KCNQ3: variants seen among roughly 807,000 people sequenced by gnomAD.
The protein encoded by KCNQ3 is potassium voltage-gated channel subfamily Q member 3, also known as potassium voltage-gated channel subfamily KQT member 3.
KCNQ3 carries 30 observed loss-of-function variants against 92.5 expected under a neutral mutation model. That is an observed-to-expected ratio of 0.32 (90% CI 0.24 to 0.44). The LOEUF is 0.44. KCNQ3 is among the 20% of genes least tolerant of loss of function. The pLI is 1.00. For synonymous variants in KCNQ3, 450 were observed against 468.8 expected, an observed-to-expected ratio of 0.96 and a Z score of 0.52; for missense variants, 913 against 1,140.3, an observed-to-expected ratio of 0.80 and a Z score of 2.87.
intron 1 of KCNQ3, among the ~76,000 whole-genome samples, chr8:132,334,746 T>C (rs550175355): frequency 3.3e-4 from 51 of 152,296 alleles, no homozygotes; most frequent in African/African-American, 1.2e-3. Context: ...GCGTTTCTTG[T>C]AGGGAAGTTT....
intron 1 of KCNQ3, among the ~76,000 whole-genome samples, chr8:132,357,265 T>C (rs1340049818): frequency 6.6e-6 from 1 of 152,172 alleles, no homozygotes; most frequent in Non-Finnish European, 1.5e-5. Flanking sequence ...GTGGTTCCTT[T>C]GGAAGGTAAT....
chr8:132,397,221 T>C (rs771876136), intron 1 of KCNQ3, among the ~76,000 whole-genome samples: 4 of 152,144 alleles, frequency 2.6e-5, no homozygotes, highest in Non-Finnish European at 5.9e-5. Context: ...TCAGGCCCTC[T>C]GTGCCCAGAG....
intron 1 of KCNQ3, among the ~76,000 whole-genome samples, chr8:132,308,499 G>A (rs111727025): frequency 6.6e-5 from 10 of 152,232 alleles, no homozygotes; most frequent in African/African-American, 2.4e-4. Flanking sequence ...CATATCAGTG[G>A]GAAGTACAAC....
intron 1 of KCNQ3, among the ~76,000 whole-genome samples, chr8:132,337,155 C>T (rs983808256): frequency 3.0e-4 from 45 of 152,164 alleles, no homozygotes; most frequent in Non-Finnish European, 1.0e-4. Flanking sequence ...GAAACCTGTC[C>T]ATGGAACATC....
chr8:132,478,147 G>C (rs1349805211), intron 1 of KCNQ3, among the ~76,000 whole-genome samples: 1 of 152,058 alleles, frequency 6.6e-6, no homozygotes, highest in Non-Finnish European at 1.5e-5. Flanking sequence ...AATTTTCCTG[G>C]ATCCTTTTTG....
At chr8:132,250,177 G>A (rs773393967) in intron 1 of KCNQ3, among the ~76,000 whole-genome samples, 19 of 152,344 alleles carry the variant, frequency 1.2e-4, no homozygotes, top group Admixed American at 7.2e-4. Context: ...GGCACTGAGC[G>A]CGAGCGAGGG....
chr8:132,478,982 AG>A (rs1025644744), intron 1 of KCNQ3, among the ~76,000 whole-genome samples: 14 of 105,342 alleles, frequency 1.3e-4, no homozygotes, highest in African/African-American at 1.8e-4. Flanking sequence ...GAGAGGGGGG[AG>A]GGGGGGTTGC....
intron 1 of KCNQ3, among the ~76,000 whole-genome samples, chr8:132,223,268 A>C (rs1485893208): frequency 6.6e-6 from 1 of 152,186 alleles, no homozygotes; most frequent in African/African-American, 2.4e-5. Flanking sequence ...ATAATGTGCT[A>C]GGTCTGGGGA....
chr8:132,343,033 C>T (rs934713361), intron 1 of KCNQ3, among the ~76,000 whole-genome samples: 1 of 152,204 alleles, frequency 6.6e-6, no homozygotes, highest in African/African-American at 2.4e-5. Flanking sequence ...CAAGCTGATG[C>T]CTCTGTCCAA....
intron 1 of KCNQ3, among the ~76,000 whole-genome samples, chr8:132,228,783 C>G (rs1304909128): frequency 6.7e-6 from 1 of 148,906 alleles, no homozygotes; most frequent in South Asian, 2.1e-4. Context: ...AAGAGGCAAG[C>G]GAAGAAAAGG....
At chr8:132,413,511 A>C (rs1378944035) in intron 1 of KCNQ3, among the ~76,000 whole-genome samples, 2 of 152,174 alleles carry the variant, frequency 1.3e-5, no homozygotes, top group African/African-American at 4.8e-5. Flanking sequence ...CACCACTTTG[A>C]GTTTCCATAC....
intron 1 of KCNQ3, among the ~76,000 whole-genome samples, chr8:132,331,159 A>G (rs1366944690): frequency 6.6e-6 from 1 of 152,152 alleles, no homozygotes; most frequent in Non-Finnish European, 1.5e-5. Flanking sequence ...GGAGAACTCC[A>G]TCTAACCTCA....
chr8:132,140,948 A>G (rs1300279123), intron 10 of KCNQ3, 181 bp downstream of exon 10: 1 of 642,830 alleles, frequency 1.6e-6, no homozygotes, highest in Non-Finnish European at 2.8e-6. Flanking sequence ...ATACATCACA[A>G]TGCCTCAGCC....
At chr8:132,252,388 G>T (rs1815442463) in intron 1 of KCNQ3, among the ~76,000 whole-genome samples, 1 of 152,094 alleles carries the variant, frequency 6.6e-6, no homozygotes, top group South Asian at 2.1e-4. Flanking sequence ...CTTAAAGGTG[G>T]TGCATCCGGA....
chr8:132,313,028 T>A (rs1817640292), intron 1 of KCNQ3, among the ~76,000 whole-genome samples: 1 of 152,138 alleles, frequency 6.6e-6, no homozygotes, highest in African/African-American at 2.4e-5. Context: ...ACATCAACCT[T>A]CCAGCCGGAC....
At chr8:132,342,305 ATTTCTTT>A (rs886529559) in intron 1 of KCNQ3, among the ~76,000 whole-genome samples, 10 of 150,260 alleles carry the variant, frequency 6.7e-5, no homozygotes, top group Admixed American at 4.0e-4. Context: ...CCATCCATTG[ATTTCTTT>A]TTTCTTTTTT....
chr8:132,285,030 A>C (rs924391365), intron 1 of KCNQ3, among the ~76,000 whole-genome samples: 4 of 152,208 alleles, frequency 2.6e-5, no homozygotes, highest in African/African-American at 9.6e-5. Context: ...AGTCAAAATA[A>C]ACCTCGTTTC....
chr8:132,210,419 T>C (rs1813812396), intron 1 of KCNQ3, among the ~76,000 whole-genome samples: 1 of 152,264 alleles, frequency 6.6e-6, no homozygotes, highest in South Asian at 2.1e-4. Flanking sequence ...ATCATGGTTC[T>C]GATACTTTGA....
chr8:132,163,862 A>C (rs1054935947), intron 8 of KCNQ3, among the ~76,000 whole-genome samples: 34 of 152,112 alleles, frequency 2.2e-4, no homozygotes, highest in Admixed American at 1.4e-3. Context: ...GCAGTCACAC[A>C]CCCCCATAAC....
Sources: allele counts gnomAD v4.1 joint callset (sites outside exome capture counted in the v4.1 genomes callset), GRCh38; gene constraint gnomAD v4.1.1; transcripts MANE v1.5; gene names NCBI Gene and HGNC (gene_info 2026-07-23, HGNC 2026-07-21).